Variants in GCNT1 observed in about 807,000 individuals in gnomAD.
GCNT1 encodes the protein glucosaminyl (N-acetyl) transferase 1.
In GCNT1, 16 loss-of-function variants were observed where a neutral mutation model predicts 26.2. The observed-to-expected ratio is 0.61, with a 90% confidence interval of 0.41 to 0.93. The LOEUF is 0.93. Ranked by LOEUF, GCNT1 falls within the 40% of genes least tolerant of loss-of-function variation. GCNT1 has a pLI of 0.00. For missense variants in GCNT1, 477 were observed against 526.7 expected (o/e 0.91, Z 0.92); for synonymous variants, 183 against 190.8 (o/e 0.96, Z 0.34).
chr9:76,394,268 A>T, the GCNT1 span: 2 of 1,270,224 alleles, frequency 1.6e-6, no homozygotes, highest in Non-Finnish European at 2.2e-6. Context: ...GCCGGGGGAC[A>T]GGAGCGTGAG....
At chr9:76,500,740 G>T (rs1825041408) in intron 2 of GCNT1, among the ~76,000 whole-genome samples, 176 bp from the exon 3 acceptor site, 1 of 151,908 alleles carries the variant, frequency 6.6e-6, no homozygotes, top group Non-Finnish European at 1.5e-5. Context: ...CACAAACATA[G>T]AATTAGAAAA....
intron 1 of GCNT1, among the ~76,000 whole-genome samples, chr9:76,452,039 G>C (rs1823676399): frequency 6.9e-6 from 1 of 145,276 alleles, no homozygotes; most frequent in South Asian, 2.2e-4. Context: ...TGTGATCTCG[G>C]CTTACTGCAA....
intron 2 of GCNT1, among the ~76,000 whole-genome samples, chr9:76,496,501 T>G (rs1824910181): frequency 6.6e-6 from 1 of 152,096 alleles, no homozygotes; most frequent in African/African-American, 2.4e-5. Flanking sequence ...GCCTCCTGTC[T>G]CCCTCTCCCT....
intron 2 of GCNT1, among the ~76,000 whole-genome samples, chr9:76,486,291 C>T (rs1214183523): frequency 6.6e-6 from 1 of 152,188 alleles, no homozygotes; most frequent in Non-Finnish European, 1.5e-5. Flanking sequence ...GTTGTTAATG[C>T]TCTTACAGTT....
chr9:76,448,227 G>C (rs770272271), intron 1 of GCNT1, among the ~76,000 whole-genome samples: 1 of 152,180 alleles, frequency 6.6e-6, no homozygotes, highest in African/African-American at 2.4e-5. Flanking sequence ...CGAGGCAGGC[G>C]GATTACTTAA....
intron 2 of GCNT1, among the ~76,000 whole-genome samples, chr9:76,463,440 T>TA (rs1823920548): frequency 6.6e-6 from 1 of 152,216 alleles, no homozygotes; most frequent in Non-Finnish European, 1.5e-5. Context: ...CGTGAAATGT[T>TA]ACTGCTGCCA....
chr9:76,472,740 T>C (rs1824161654), intron 2 of GCNT1, among the ~76,000 whole-genome samples: 1 of 97,956 alleles, frequency 1.0e-5, no homozygotes, highest in African/African-American at 6.4e-5. Context: ...TTTTCTTTTC[T>C]TTTCTTTTCT....
chr9:76,484,256 G>T (rs558665580), intron 2 of GCNT1, among the ~76,000 whole-genome samples: 65 of 152,036 alleles, frequency 4.3e-4, no homozygotes, highest in African/African-American at 1.5e-3. Context: ...GTGCACCTGT[G>T]GTTGCAGCTA....
exon 1 of GCNT1, chr9:76,442,135 G>A (rs1823491872): frequency 6.6e-6 from 1 of 152,192 alleles, no homozygotes; most frequent in African/African-American, 2.4e-5. Context: ...GGACTTAACT[G>A]ACCATTGCTG....
At chr9:76,481,496 A>C (rs1824421258) in intron 2 of GCNT1, among the ~76,000 whole-genome samples, 1 of 151,800 alleles carries the variant, frequency 6.6e-6, no homozygotes, top group African/African-American at 2.4e-5. Context: ...TTTCCAGGGA[A>C]TAAGGCCCAG....
chr9:76,471,996 G>C (rs545059437), intron 2 of GCNT1, among the ~76,000 whole-genome samples: 1 of 152,290 alleles, frequency 6.6e-6, no homozygotes, highest in East Asian at 1.9e-4. Flanking sequence ...TGGACTAGGG[G>C]CTGGGCATGG....
intron 1 of GCNT1, among the ~76,000 whole-genome samples, chr9:76,447,678 AC>A (rs1423039127): frequency 6.6e-6 from 1 of 152,188 alleles, no homozygotes; most frequent in Non-Finnish European, 1.5e-5. Flanking sequence ...GGCCTCTGCC[AC>A]ACTTCACGCA....
At chr9:76,501,117 T>C (rs922551702) in intron 3 of GCNT1, 56 bp downstream of exon 3, 2 of 152,244 alleles carry the variant, frequency 1.3e-5, no homozygotes, top group African/African-American at 4.8e-5. Context: ...TGGTCAGTTA[T>C]TCATTTTTAT....
At chr9:76,407,961 G>C in the GCNT1 span, among the ~76,000 whole-genome samples, 3 of 152,156 alleles carry the variant, frequency 2.0e-5, no homozygotes, top group African/African-American at 7.2e-5. Flanking sequence ...CAAATTTTGT[G>C]TGTTAATCTT....
chr9:76,428,265 CAAAAAA>C (rs869195487), intron 1 of GCNT1, among the ~76,000 whole-genome samples: 4 of 29,774 alleles, frequency 1.3e-4, no homozygotes, highest in African/African-American at 2.0e-4. Context: ...GACTCCGTCT[CAAAAAA>C]AAAAAAAAAA....
the GCNT1 span, among the ~76,000 whole-genome samples, chr9:76,398,255 A>G: frequency 6.6e-6 from 1 of 152,258 alleles, no homozygotes; most frequent in Non-Finnish European, 1.5e-5. Context: ...AAATTCAGCA[A>G]TAAGAAAATA....
At chr9:76,440,946 C>A (rs189959249), upstream of GCNT1, among the ~76,000 whole-genome samples, 1 of 151,480 alleles carries the variant, frequency 6.6e-6, no homozygotes, top group Non-Finnish European at 1.5e-5. Flanking sequence ...TGCCTGTAAT[C>A]CCAGCTACTG....
chr9:76,428,265 C>CAAAAAAAAAAAAA lies in GCNT1; in HGVS notation n.38+8390_38+8402dup, dbSNP rs869195487. On this transcript the variant is annotated intron_variant and non_coding_transcript_variant, in intron 1 of 3. Coordinates refer to the GCNT1 transcript ENST00000488136. Reference sequence around the variant, plus strand: ...TGGGTAAAAGAGCAAGACTCCGTCTCAAAAAAAAAAAAAAAAAAAAAAAAC... The same window carrying CAAAAAAAAAAAAA: ...TGGGTAAAAGAGCAAGACTCCGTCTCAAAAAAAAAAAAAAAAAAAAAAAAAAAAAAAAAAAAAC... 1.8e-3 allele frequency among the ~76,000 whole-genome samples: 55 copies of CAAAAAAAAAAAAA among 29,756 alleles called. 3 individuals are homozygous for CAAAAAAAAAAAAA. Among genetic ancestry groups the CAAAAAAAAAAAAA allele is most frequent in the South Asian group, 2.5e-3 (1 of 394 alleles). 19.5% of individuals were successfully genotyped at this position (29,756 alleles called of 152,430 possible). A position where few individuals can be genotyped will look rare whatever the true frequency, so the allele number is the denominator to read the frequency against.
chr9:76,488,234 TAGA>T (rs1824634560), intron 2 of GCNT1, among the ~76,000 whole-genome samples: 1 of 152,238 alleles, frequency 6.6e-6, no homozygotes, highest in African/African-American at 2.4e-5. Context: ...GCTGATACCC[TAGA>T]AGATTTTGCA....
Sources: allele counts gnomAD v4.1 joint callset (sites outside exome capture counted in the v4.1 genomes callset), GRCh38; gene constraint gnomAD v4.1.1; transcripts MANE v1.5; gene names NCBI Gene and HGNC (gene_info 2026-07-23, HGNC 2026-07-21).